The following MAP4 variants were observed in gnomAD, a reference collection of about 807,000 sequenced individuals.
The protein encoded by MAP4 is microtubule-associated protein 4.
In MAP4, 76 loss-of-function variants were observed where a neutral mutation model predicts 170.2. The observed-to-expected ratio is 0.45, with a 90% CI of 0.37 to 0.54. The LOEUF (loss-of-function observed/expected upper bound fraction) is 0.54, where lower values mean the gene tolerates loss of function less well. Among genes scored for constraint, MAP4 ranks in the 20% least tolerant of loss-of-function variants. The pLI is 0.00. For synonymous variants in MAP4, 909 were observed against 994.5 expected, an observed-to-expected ratio of 0.91 and a Z score of 1.62; for missense variants, 2,506 against 2,748.0, an observed-to-expected ratio of 0.91 and a Z score of 1.97.
rs566187704 is a variant in MAP4 at position 47,862,062 on chromosome 3, G to A, written c.6502-4550C>T. Among the ~76,000 whole-genome samples, 5 of 150,230 alleles carry A rather than the reference G, an allele frequency of 3.3e-5. No homozygotes were observed. The South Asian group carries it at 1.1e-3, about 32-fold the overall frequency. ...TGTAGTCCCAGCTACTCAGGAGGCT[G>A]AGACAGGAGAATCACTTGAATTCGG... On this transcript the variant is annotated intron_variant, in intron 17 of 20. Coordinates refer to ENST00000683076, the MANE Select transcript of MAP4 (RefSeq NM_001385682.1).
In MAP4 at chr3:47,915,948, T is replaced by C; in HGVS notation, c.1876+3A>G. ...AATACTGAGAATAAGCACAAGCACG[T>C]ACCTGGTGAAATCATGAAAGTAGGT... On this transcript the variant is annotated splice_donor_region_variant and intron_variant, in intron 7 of 20. Coordinates refer to ENST00000683076, the MANE Select transcript of MAP4 (RefSeq NM_001385682.1). The C allele has an allele frequency of 6.2e-7, 1 of 1,606,048 alleles. No individual in the cohort carries two copies. Among genetic ancestry groups the C allele is most frequent in the Non-Finnish European group, 8.5e-7 (1 of 1,176,200 alleles).
intron 3 of MAP4, among the ~76,000 whole-genome samples, chr3:47,930,459 A>AC (rs1330937083): frequency 4.6e-5 from 7 of 151,486 alleles, no homozygotes; most frequent in Admixed American, 3.3e-4. Context: ...CTCAAAAAAA[A>AC]AAACAAACAA....
At chr3:47,983,373 CTTATTTAT>C (rs559313125) in intron 2 of MAP4, among the ~76,000 whole-genome samples, 15 of 151,748 alleles carry the variant, frequency 9.9e-5, no homozygotes, top group South Asian at 4.2e-4. Context: ...CCACAGTTGG[CTTATTTAT>C]TTATTTATTT....
At chr3:47,945,728 T>A (rs1220891089) in intron 3 of MAP4, among the ~76,000 whole-genome samples, 2 of 151,888 alleles carry the variant, frequency 1.3e-5, no homozygotes, top group African/African-American at 4.8e-5. Flanking sequence ...TAATATTTTT[T>A]ATTTTTTTGG....
chr3:47,910,729 C>G lies in MAP4; in HGVS notation c.3692G>C (p.Arg1231Thr). 1 of 1,536,144 alleles carries G rather than the reference C, an allele frequency of 6.5e-7. No individual in the cohort carries two copies. Among genetic ancestry groups the G allele is most frequent in the Non-Finnish European group, 8.7e-7 (1 of 1,146,896 alleles). ...FKNNYSTQPA[R>T]MERKEEILNP... ...AAGGATTTCTTCCTTCCTCTCCATTCTAGCAGGCTGTGTGGAATAATTATT... is the reference window on the plus strand; with the variant it reads ...AAGGATTTCTTCCTTCCTCTCCATTGTAGCAGGCTGTGTGGAATAATTATT... Residue 1231 changes from arginine to threonine, a missense_variant, in exon 9 of 21, where the codon AGA (arginine) becomes ACA (threonine). Coordinates refer to ENST00000683076, the MANE Select transcript of MAP4 (RefSeq NM_001385682.1).
At chr3:47,881,534 A>C (rs2096770121) in intron 10 of MAP4, among the ~76,000 whole-genome samples, 1 of 138,856 alleles carries the variant, frequency 7.2e-6, no homozygotes, top group Non-Finnish European at 1.5e-5. Flanking sequence ...TACTTTAAAA[A>C]ATTGTTAACA....
chr3:47,854,089 C>A (rs552940608), intron 19 of MAP4, among the ~76,000 whole-genome samples: 2 of 152,098 alleles, frequency 1.3e-5, no homozygotes, highest in Non-Finnish European at 2.9e-5. Context: ...GGTTTCTAAT[C>A]GGCATAGTGA....
rs1338525466 is a variant in MAP4 at position 47,872,042 on chromosome 3, G to C, written c.5816C>G (p.Ala1939Gly). The C allele has an allele frequency of 6.2e-7, 1 of 1,613,474 alleles. No individual in the cohort carries two copies. The highest frequency in any genetic ancestry group is 2.2e-5 in the East Asian group (1 of 44,880). Residue 1939 changes from alanine (A) to glycine (G), a missense_variant, in exon 13 of 21, where the codon GCC becomes GGC. By Grantham distance (60) the Ala-to-Gly change is moderately conservative (BLOSUM62 0). Around this residue, in one of 3 missense-constraint regions of MAP4, gnomAD observed 487 missense variants for 511.6 expected, o/e 0.95. Coordinates refer to ENST00000683076, the MANE Select transcript of MAP4 (RefSeq NM_001385682.1). ...KRASPSKPAS[A>G]PASRSGSKST... is the part of the protein sequence containing the mutation. ...CTTGGACCCAGATCTGGAGGCTGGG[G>C]CAGAAGCTGGCTTGGATGGTGAGGC...
chr3:47,975,849 G>A (rs1235761970), intron 3 of MAP4, among the ~76,000 whole-genome samples: 2 of 151,504 alleles, frequency 1.3e-5, no homozygotes, highest in African/African-American at 2.4e-5. Context: ...GAGTGCAGTG[G>A]TGCGATCTCG....
chr3:47,963,381 G>A (rs2100072865), intron 3 of MAP4, among the ~76,000 whole-genome samples: 1 of 152,116 alleles, frequency 6.6e-6, no homozygotes, highest in African/African-American at 2.4e-5. Context: ...TGTCACTTCA[G>A]GCAAACAACT....
chr3:48,048,504 ATCTTT>A (rs2100125736), intron 1 of MAP4, among the ~76,000 whole-genome samples: 1 of 119,758 alleles, frequency 8.4e-6, no homozygotes, highest in Non-Finnish European at 1.7e-5. Context: ...GATCTCAATT[ATCTTT>A]TTTTTTTTTT....
intron 1 of MAP4, among the ~76,000 whole-genome samples, chr3:48,038,514 G>A (rs1243487589): frequency 1.4e-5 from 2 of 140,676 alleles, no homozygotes; most frequent in Non-Finnish European, 1.5e-5. Context: ...AGGCTGGAGT[G>A]CAGTGGCACG....
intron 3 of MAP4, among the ~76,000 whole-genome samples, chr3:47,962,626 G>T (rs1158610795): frequency 1.3e-5 from 2 of 152,086 alleles, no homozygotes; most frequent in Non-Finnish European, 2.9e-5. Context: ...AATAGACTCT[G>T]ATCCAAATAT....
At chr3:47,859,171 G>A (rs1352199425) in intron 17 of MAP4, among the ~76,000 whole-genome samples, 3 of 152,072 alleles carry the variant, frequency 2.0e-5, no homozygotes, top group African/African-American at 7.2e-5. Flanking sequence ...AGCCATGCAT[G>A]CCCTCTGGGT....
upstream of MAP4, among the ~76,000 whole-genome samples, chr3:48,020,588 AG>A (rs990516174): frequency 5.3e-5 from 8 of 152,076 alleles, no homozygotes; most frequent in Non-Finnish European, 1.0e-4. Context: ...TTCAAAAAGG[AG>A]GGGGGGAATA....
At chr3:47,853,681 G>A (rs2048828899) in intron 19 of MAP4, among the ~76,000 whole-genome samples, 2 of 152,236 alleles carry the variant, frequency 1.3e-5, no homozygotes, top group Non-Finnish European at 2.9e-5. Flanking sequence ...CATGACAACA[G>A]TAAGCAATAA....
In MAP4 at chr3:47,922,865, G is replaced by A. The variant is rs868085440; in HGVS notation, c.416-987C>T. Among the ~76,000 whole-genome samples, 9 of 152,164 alleles carry A rather than the reference G, an allele frequency of 5.9e-5. No individual in the cohort carries two copies. The South Asian group carries it at 1.9e-3, about 32-fold the overall frequency. ...GAGATTGAGACCATCCTGGCTAATA[G>A]AGTGAAACCCCGTCTCTACTAAAAA... is the stretch of plus-strand genomic sequence containing the variant. On this transcript the variant is annotated intron_variant, in intron 4 of 20. Transcript: ENST00000683076.
intron 1 of MAP4, among the ~76,000 whole-genome samples, chr3:48,026,352 AAC>A (rs1439422994): frequency 2.6e-5 from 4 of 152,214 alleles, no homozygotes; most frequent in African/African-American, 9.6e-5. Flanking sequence ...ACTCAAATAC[AAC>A]AGTTTCTCTT....
intron 1 of MAP4, among the ~76,000 whole-genome samples, chr3:48,007,742 G>A (rs2100103146): frequency 2.0e-5 from 3 of 150,764 alleles, no homozygotes; most frequent in South Asian, 2.1e-4. Context: ...GTGCGATCTC[G>A]GCTCAATGCA....
Sources: gnomAD v4.1 joint callset for allele counts (sites outside exome capture counted in the v4.1 genomes callset) on GRCh38, gnomAD v4.1.1 for gene constraint, gnomAD v4.1.1 regional missense constraint, MANE v1.5 for transcripts, NCBI Gene and HGNC (gene_info 2026-07-23, HGNC 2026-07-21) for gene names.